The following PCLO variants were observed in gnomAD, a reference collection of about 807,000 sequenced individuals.
PCLO encodes the protein protein piccolo.
In PCLO, 82 loss-of-function variants were observed where a neutral mutation model predicts 427.5. That is an observed-to-expected ratio of 0.19 (90% CI 0.16 to 0.23). PCLO has a LOEUF of 0.23. Among genes scored for constraint, PCLO ranks in the 10% least tolerant of loss-of-function variants. PCLO has a pLI of 1.00. For missense variants in PCLO, 6,239 were observed against 6,115.9 expected, an observed-to-expected ratio of 1.02 and a Z score of -0.67; for synonymous variants, 2,357 against 2,155.4, an observed-to-expected ratio of 1.09 and a Z score of -2.59.
chr7:82,953,332 T>C lies in PCLO; in HGVS notation c.7621A>G (p.Ser2541Gly). 6.2e-7 allele frequency: 1 copy of C among 1,613,834 alleles called. No individual in the cohort carries two copies. Among genetic ancestry groups the C allele is most frequent in the Non-Finnish European group, 8.5e-7 (1 of 1,179,834 alleles). The change falls in exon 5 of 25, where the codon AGT becomes GGT. Residue 2541 changes from serine to glycine, a missense_variant. Around this residue, in one of 5 missense-constraint regions of PCLO, gnomAD observed 4,677 missense variants for 4,468.4 expected, o/e 1.05. Transcript: ENST00000333891. ...PKPTGLSLTS[S>G]MTLNLVTSAD... ...GAAGTCACTAAATTTAAGGTCATACTTGAAGTTAAAGATAGGCCTGTTGGT... is the reference window on the plus strand; with the variant it reads ...GAAGTCACTAAATTTAAGGTCATACCTGAAGTTAAAGATAGGCCTGTTGGT...
chr7:83,035,679 C>G (rs1039096799), intron 3 of PCLO, among the ~76,000 whole-genome samples: 1 of 151,806 alleles, frequency 6.6e-6, no homozygotes, highest in African/African-American at 2.4e-5. Context: ...ATCTTTGACG[C>G]GTTTATTTTA....
chr7:82,825,489 T>A (rs904071387), intron 18 of PCLO, among the ~76,000 whole-genome samples: 4 of 151,930 alleles, frequency 2.6e-5, no homozygotes, highest in Non-Finnish European at 5.9e-5. Flanking sequence ...ACCAAACAAG[T>A]CCTCATTATC....
At chr7:83,149,543 T>TA (rs201823038) in intron 2 of PCLO, among the ~76,000 whole-genome samples, 2 of 151,244 alleles carry the variant, frequency 1.3e-5, no homozygotes, top group Non-Finnish European at 3.0e-5. Flanking sequence ...AATTTAAGCT[T>TA]AAAAAAAAAG....
intron 11 of PCLO, among the ~76,000 whole-genome samples, 165 bp downstream of exon 11, chr7:82,846,974 G>A (rs1471213767): frequency 2.6e-5 from 4 of 152,114 alleles, no homozygotes; most frequent in Admixed American, 2.0e-4. Context: ...GACACAATCA[G>A]AAACTAAGTT....
chr7:83,151,485 T>C (rs188977514), intron 2 of PCLO, among the ~76,000 whole-genome samples: 1 of 152,330 alleles, frequency 6.6e-6, no homozygotes, highest in Admixed American at 6.5e-5. Context: ...TTTTCATATG[T>C]CAAATGGTGC....
chr7:82,835,567 A>G (rs1011769481), intron 16 of PCLO, 100 bp downstream of exon 16: 1 of 805,942 alleles, frequency 1.2e-6, no homozygotes, highest in African/African-American at 1.7e-5. Context: ...AATATAAGTT[A>G]CAGCCCATGT....
chr7:83,144,096 T>C (rs929902962), intron 2 of PCLO, among the ~76,000 whole-genome samples: 3 of 152,220 alleles, frequency 2.0e-5, no homozygotes, highest in African/African-American at 4.8e-5. Flanking sequence ...AGTTGCATGT[T>C]GACTTAAGAA....
intron 9 of PCLO, chr7:82,894,577 A>C (rs1562842453): frequency 6.6e-6 from 1 of 152,132 alleles, no homozygotes; most frequent in Non-Finnish European, 1.5e-5. Context: ...CCCATGACTC[A>C]TATACCTCCC....
chr7:83,021,482 T>C (rs1027282182), intron 3 of PCLO, among the ~76,000 whole-genome samples: 3 of 151,964 alleles, frequency 2.0e-5, no homozygotes, highest in African/African-American at 7.2e-5. Context: ...GATAAAAGGT[T>C]TTTTTTTAAT....
At chr7:82,871,438 A>G (rs577168107) in intron 10 of PCLO, among the ~76,000 whole-genome samples, 10 of 152,016 alleles carry the variant, frequency 6.6e-5, no homozygotes, top group African/African-American at 2.4e-4. Flanking sequence ...AATAGCCGTT[A>G]CCTCATGTTG....
At position 82,953,312 on chromosome 7, in the gene PCLO, C is replaced by T. The variant is rs994935072; in HGVS notation, c.7641G>A (p.Val2547=). ...AAGGCAATTTATAATCTGCTGAAGT[C>T]ACTAAATTTAAGGTCATACTTGAAG... The part of the protein sequence containing the change: ...SLTSSMTLNL[V]TSADYKLPSP... The change falls in exon 5 of 25, where the codon GTG becomes GTA. Residue 2547 remains valine (V), a synonymous_variant. Transcript: ENST00000333891. 2 of 1,613,540 alleles carry T rather than the reference C, an allele frequency of 1.2e-6. No homozygotes were observed. The highest frequency in any genetic ancestry group is 1.7e-5 in the Admixed American group (1 of 59,982).
chr7:83,131,930 T>C (rs1022871813), intron 3 of PCLO, among the ~76,000 whole-genome samples: 1 of 152,108 alleles, frequency 6.6e-6, no homozygotes, highest in Non-Finnish European at 1.5e-5. Context: ...CATCTATACA[T>C]AAGGGTATAT....
intron 3 of PCLO, among the ~76,000 whole-genome samples, chr7:82,995,770 TATCTC>T (rs1362704473): frequency 6.6e-6 from 1 of 151,928 alleles, no homozygotes; most frequent in African/African-American, 2.4e-5. Flanking sequence ...TAATAGTACT[TATCTC>T]ATTCAGTTTT....
At chr7:83,115,149 G>A (rs773572311) in intron 3 of PCLO, among the ~76,000 whole-genome samples, 56 of 152,086 alleles carry the variant, frequency 3.7e-4, no homozygotes, top group Admixed American at 5.9e-4. Flanking sequence ...ATATTAATGG[G>A]CATCCTTGCA....
chr7:82,996,084 G>A (rs551871540), intron 3 of PCLO, among the ~76,000 whole-genome samples: 8 of 151,668 alleles, frequency 5.3e-5, no homozygotes, highest in Non-Finnish European at 1.2e-4. Flanking sequence ...TAGAAAATAT[G>A]CATGTCATTA....
Sources: allele counts gnomAD v4.1 joint callset (sites outside exome capture counted in the v4.1 genomes callset), GRCh38; gene constraint gnomAD v4.1.1; regional missense constraint gnomAD v4.1.1; transcripts MANE v1.5; gene names NCBI Gene and HGNC (gene_info 2026-07-23, HGNC 2026-07-21).